DOK6: variants seen among roughly 807,000 people sequenced by gnomAD.
DOK6 encodes the protein docking protein 6.
A neutral mutation model predicts 44.0 loss-of-function variants in DOK6; 22 were observed. That is an observed-to-expected ratio of 0.50 (90% CI 0.36 to 0.71). The LOEUF is 0.71. DOK6 is among the 30% of genes least tolerant of loss of function. The pLI, the probability that DOK6 is intolerant of heterozygous loss-of-function variation, is 0.00. For missense variants in DOK6, 340 were observed against 416.4 expected, an observed-to-expected ratio of 0.82 and a Z score of 1.60; for synonymous variants, 166 against 145.5, an observed-to-expected ratio of 1.14 and a Z score of -1.01.
rs138916515 is a variant in DOK6, at chr18:69,695,436, T to TAG, written c.410-2966_410-2965dup. 2.7e-3 allele frequency among the ~76,000 whole-genome samples: 405 copies of TAG among 152,358 alleles called. 1 individual carries two copies. The highest frequency in any genetic ancestry group is 9.5e-3 in the African/African-American group (397 of 41,580). ...AGAGTGATTTAAAACGCCTGCTTGATAGAATTGTTTCACAAAGATAAACAT... is the reference window on the plus strand; with the variant it reads ...AGAGTGATTTAAAACGCCTGCTTGATAGAGAATTGTTTCACAAAGATAAACAT... On this transcript the variant is annotated intron_variant, in intron 4 of 7. Transcript: ENST00000382713.
At chr18:69,415,622 C>T (rs551343934) in intron 1 of DOK6, among the ~76,000 whole-genome samples, 9 of 152,064 alleles carry the variant, frequency 5.9e-5, no homozygotes, top group Non-Finnish European at 1.0e-4. Context: ...TGCAGATAGC[C>T]GTATTGATAT....
At chr18:69,521,498 T>C (rs1981687220) in intron 1 of DOK6, among the ~76,000 whole-genome samples, 1 of 151,484 alleles carries the variant, frequency 6.6e-6, no homozygotes, top group South Asian at 2.1e-4. Flanking sequence ...GCAATTTTTA[T>C]GAAAGGATAG....
chr18:69,605,989 C>A (rs1193570496), intron 3 of DOK6, among the ~76,000 whole-genome samples: 4 of 152,040 alleles, frequency 2.6e-5, no homozygotes, highest in Non-Finnish European at 5.9e-5. Flanking sequence ...TAAAAAATCC[C>A]GGCCAGGTGC....
intron 4 of DOK6, among the ~76,000 whole-genome samples, chr18:69,691,555 C>G (rs1484737919): frequency 3.9e-5 from 6 of 152,056 alleles, no homozygotes; most frequent in African/African-American, 1.2e-4. Flanking sequence ...TGGGGAAGAA[C>G]CTGAGTTTGG....
chr18:69,573,328 T>C (rs905240125), intron 2 of DOK6, among the ~76,000 whole-genome samples: 6 of 151,900 alleles, frequency 3.9e-5, no homozygotes, highest in Non-Finnish European at 7.4e-5. Context: ...AATCATCTTG[T>C]GATTAAAAAC....
rs374711189 is a variant in DOK6 at position 69,538,684 on chromosome 18, T to C, written c.67-25803T>C. Among the ~76,000 whole-genome samples, 4 of 139,310 alleles carry C rather than the reference T, an allele frequency of 2.9e-5. No individual in the cohort carries two copies. In the East Asian group the frequency reaches 6.3e-4, roughly 22 times the overall value. The allele number at this position is 139,310 out of a possible 152,430, so 91.4% of individuals were successfully genotyped here. On this transcript the variant is annotated intron_variant, in intron 1 of 7. Coordinates refer to ENST00000382713, the MANE Select transcript of DOK6 (RefSeq NM_152721.6). ...AGCTGTGAGCTACCGCCTCCATTTC[T>C]CTTTACTACACCAACCTTTCTATTC...
intron 5 of DOK6, among the ~76,000 whole-genome samples, chr18:69,709,263 A>G (rs750572595): frequency 5.3e-5 from 8 of 152,186 alleles, no homozygotes; most frequent in Non-Finnish European, 1.2e-4. Flanking sequence ...AGTGCTAGGA[A>G]TGGAGTCCTG....
intron 5 of DOK6, among the ~76,000 whole-genome samples, chr18:69,711,158 T>TTA (rs1568340799): frequency 6.6e-6 from 1 of 152,204 alleles, no homozygotes; most frequent in African/African-American, 2.4e-5. Context: ...ATTCATATCA[T>TTA]TAGAGGAGCA....
chr18:69,536,274 T>C (rs1982120018), intron 1 of DOK6, among the ~76,000 whole-genome samples: 1 of 152,184 alleles, frequency 6.6e-6, no homozygotes, highest in Admixed American at 6.5e-5. Flanking sequence ...TAAAAATGAC[T>C]TGGTACATAT....
chr18:69,646,131 C>T (rs1230482974), intron 3 of DOK6, among the ~76,000 whole-genome samples: 1 of 152,164 alleles, frequency 6.6e-6, no homozygotes, highest in Non-Finnish European at 1.5e-5. Context: ...TAATAGACCC[C>T]TTCAAAATGT....
chr18:69,739,549 T>C (rs894548664), intron 6 of DOK6, among the ~76,000 whole-genome samples: 17 of 152,332 alleles, frequency 1.1e-4, no homozygotes, highest in African/African-American at 2.9e-4. Context: ...GTATGTATAA[T>C]AAAATGTTTA....
chr18:69,612,399 T>TTGTGTTCGAGGGCGCA (rs1984164328), intron 3 of DOK6, among the ~76,000 whole-genome samples: 1 of 62,414 alleles, frequency 1.6e-5, no homozygotes, highest in Non-Finnish European at 3.9e-5. Context: ...CGAAGAGACT[T>TTGTGTTCGAGGGCGCA]TGTGTGCGAG....
chr18:69,778,185 T>C (rs979139666), intron 7 of DOK6, among the ~76,000 whole-genome samples: 1 of 152,058 alleles, frequency 6.6e-6, no homozygotes, highest in Non-Finnish European at 1.5e-5. Flanking sequence ...AGTCAAATAA[T>C]GGAATTGAAC....
chr18:69,835,484 CAA>C (rs5825973), intron 7 of DOK6, among the ~76,000 whole-genome samples: 3 of 148,496 alleles, frequency 2.0e-5, no homozygotes, highest in East Asian at 2.0e-4. Flanking sequence ...ACAACAACAA[CAA>C]AAAAAAAAAC....
In DOK6 at chr18:69,738,509, G is replaced by C. The variant is rs1458622852; in HGVS notation, c.600-456G>C. 3.3e-5 allele frequency among the ~76,000 whole-genome samples: 5 copies of C among 152,158 alleles called. No individual in the cohort carries two copies. In the East Asian group the frequency reaches 9.7e-4, roughly 29 times the overall value. On this transcript the variant is annotated intron_variant, in intron 5 of 7. Transcript: ENST00000382713. ...TTTAAAAAGTAATTCTAATTAGATA[G>C]TTGAAAAAAGAATTTGCATTCTGAT...
chr18:69,494,696 T>C (rs1382841549), intron 1 of DOK6, among the ~76,000 whole-genome samples: 1 of 152,208 alleles, frequency 6.6e-6, no homozygotes, highest in Non-Finnish European at 1.5e-5. Context: ...TATATTGGTA[T>C]GGGGCAATGT....
intron 1 of DOK6, among the ~76,000 whole-genome samples, chr18:69,496,777 C>T (rs184032573): frequency 6.6e-6 from 1 of 152,252 alleles, no homozygotes; most frequent in Non-Finnish European, 1.5e-5. Context: ...TACTTTAAAT[C>T]TCTGCTTCCT....
At chr18:69,423,295 C>G (rs949331485) in intron 1 of DOK6, among the ~76,000 whole-genome samples, 4 of 84,530 alleles carry the variant, frequency 4.7e-5, no homozygotes, top group African/African-American at 1.9e-4. Flanking sequence ...GAGTGAGATC[C>G]TGTCTCAACA....
intron 1 of DOK6, among the ~76,000 whole-genome samples, chr18:69,505,258 A>G (rs748937272): frequency 1.3e-5 from 2 of 152,164 alleles, no homozygotes; most frequent in Non-Finnish European, 2.9e-5. Flanking sequence ...GACTGTGGTT[A>G]AGCAAAAGTG....
Sources: allele counts gnomAD v4.1 joint callset (sites outside exome capture counted in the v4.1 genomes callset), GRCh38; gene constraint gnomAD v4.1.1; transcripts MANE v1.5; gene names NCBI Gene and HGNC (gene_info 2026-07-23, HGNC 2026-07-21).